The following ERG variants were observed in gnomAD, a reference collection of about 807,000 sequenced individuals.
ERG encodes ETS transcription factor ERG, also known as transcriptional regulator ERG.
A neutral mutation model predicts 55.3 loss-of-function variants in ERG; 9 were observed. The ratio of observed to expected loss-of-function variants is 0.16; its 90% CI spans 0.10 to 0.28. The LOEUF (loss-of-function observed/expected upper bound fraction) is 0.28. Among genes scored for constraint, ERG ranks in the 10% least tolerant of loss-of-function variants. The probability of loss-of-function intolerance (pLI) is 1.00; values close to 1 mark genes in which losing one functional copy is unlikely to be tolerated. For missense variants in ERG, 434 were observed against 631.6 expected (o/e 0.69, Z 3.35); for synonymous variants, 223 against 237.3 (o/e 0.94, Z 0.55).
In ERG at chr21:38,571,462, A is replaced by T. The variant is rs538085804; in HGVS notation, c.-41+4200T>A. On this transcript the variant is annotated intron_variant, in intron 2 of 8. Transcript: ENST00000398897. ...GGAGGCAGAGGCTGCAGTGAGCCAT[A>T]ATCATACCACTGCACTCCAGCCTGG... 2.3e-4 allele frequency among the ~76,000 whole-genome samples: 35 copies of T among 152,020 alleles called. 1 individual carries two copies. The highest frequency in any genetic ancestry group is 4.6e-4 in the Non-Finnish European group (31 of 67,992).
chr21:38,438,628 T>G (rs2058812633), intron 2 of ERG, among the ~76,000 whole-genome samples: 1 of 152,184 alleles, frequency 6.6e-6, no homozygotes, highest in Non-Finnish European at 1.5e-5. Flanking sequence ...AAGGCCCAGA[T>G]AGCATTGTCT....
chr21:38,411,206 G>A (rs1210127388), intron 3 of ERG, among the ~76,000 whole-genome samples: 1 of 152,190 alleles, frequency 6.6e-6, no homozygotes, highest in Non-Finnish European at 1.5e-5. Flanking sequence ...GACTGTTTCT[G>A]AGCCTTTTAA....
chr21:38,403,740 T>C (rs1275547741), intron 3 of ERG, 31 bp from the exon 4 acceptor site: 2 of 1,603,036 alleles, frequency 1.2e-6, no homozygotes, highest in South Asian at 2.2e-5. Context: ...TTCAGTCAAT[T>C]CCTGAAGCCA....
At chr21:38,546,603 G>A (rs2059789444) in intron 2 of ERG, among the ~76,000 whole-genome samples, 1 of 152,152 alleles carries the variant, frequency 6.6e-6, no homozygotes, top group Admixed American at 6.5e-5. Flanking sequence ...CACTCTGGCT[G>A]CCAAGGCATT....
intron 1 of ERG, among the ~76,000 whole-genome samples, chr21:38,643,774 T>C (rs1055384138): frequency 2.6e-5 from 4 of 152,202 alleles, no homozygotes; most frequent in Admixed American, 6.5e-5. Context: ...TAAAGGATAA[T>C]TGAAGTGCAT....
At chr21:38,510,131 A>C (rs1472177734) in intron 2 of ERG, among the ~76,000 whole-genome samples, 2 of 152,222 alleles carry the variant, frequency 1.3e-5, no homozygotes, top group African/African-American at 4.8e-5. Flanking sequence ...GAAAAACCAC[A>C]GTCCTGAGTG....
intron 1 of ERG, among the ~76,000 whole-genome samples, chr21:38,456,919 T>G (rs978599782): frequency 1.3e-4 from 20 of 152,344 alleles, no homozygotes; most frequent in African/African-American, 4.8e-4. Context: ...ATGACATAGA[T>G]GAGCACTGGG....
chr21:38,496,038 A>G (rs892236759), intron 1 of ERG, among the ~76,000 whole-genome samples: 2 of 152,122 alleles, frequency 1.3e-5, no homozygotes, highest in South Asian at 2.1e-4. Flanking sequence ...ATAAATGAAC[A>G]CTCTCACATA....
intron 1 of ERG, among the ~76,000 whole-genome samples, chr21:38,622,971 G>A (rs394925): frequency 1 from 144,397 of 144,866 alleles, 71,964 homozygotes; most frequent in Middle Eastern, 1. Flanking sequence ...ACACACACAC[G>A]TCACACACAT....
chr21:38,421,257 T>A (rs725233), intron 3 of ERG, among the ~76,000 whole-genome samples: 9,922 of 152,224 alleles, frequency 0.065, 436 homozygotes, highest in Non-Finnish European at 0.088. Flanking sequence ...CAGTAAATAC[T>A]AAGGACGGTT....
intron 2 of ERG, among the ~76,000 whole-genome samples, chr21:38,531,302 A>G (rs1406134586): frequency 6.6e-6 from 1 of 152,206 alleles, no homozygotes; most frequent in African/African-American, 2.4e-5. Flanking sequence ...CATCTTCTCT[A>G]GGTAACCTCT....
At chr21:38,568,343 C>T (rs945486753) in intron 2 of ERG, among the ~76,000 whole-genome samples, 3 of 152,150 alleles carry the variant, frequency 2.0e-5, no homozygotes, top group Admixed American at 6.5e-5. Flanking sequence ...GAGTGCCAGG[C>T]ACCGCTTTGA....
chr21:38,463,177 C>G (rs887098449), intron 1 of ERG, among the ~76,000 whole-genome samples: 4 of 152,198 alleles, frequency 2.6e-5, no homozygotes, highest in Non-Finnish European at 5.9e-5. Flanking sequence ...CATACTTGGA[C>G]ACTGAAAGGT....
intron 2 of ERG, among the ~76,000 whole-genome samples, chr21:38,561,470 T>C (rs2059892450): frequency 6.6e-6 from 1 of 151,646 alleles, no homozygotes; most frequent in Non-Finnish European, 1.5e-5. Context: ...TTTTTTTTTT[T>C]CAAACAATAA....
chr21:38,620,844 A>C (rs908528023), intron 1 of ERG, among the ~76,000 whole-genome samples: 11 of 152,238 alleles, frequency 7.2e-5, no homozygotes, highest in Non-Finnish European at 1.2e-4. Context: ...ACAGGTCTAA[A>C]AATCTTGGAA....
At chr21:38,565,582 T>C (rs1442660426) in intron 2 of ERG, among the ~76,000 whole-genome samples, 1 of 152,178 alleles carries the variant, frequency 6.6e-6, no homozygotes, top group African/African-American at 2.4e-5. Flanking sequence ...AAAGGGCCTT[T>C]GCACATGCTG....
At chr21:38,533,883 G>T (rs2836477) in intron 2 of ERG, among the ~76,000 whole-genome samples, 6,672 of 152,202 alleles carry the variant, frequency 0.044, 164 homozygotes, top group Middle Eastern at 0.13. Flanking sequence ...CCTGCCTTCA[G>T]AAAATATATA....
At chr21:38,566,337 G>A (rs972245248) in intron 2 of ERG, among the ~76,000 whole-genome samples, 5 of 152,150 alleles carry the variant, frequency 3.3e-5, no homozygotes, top group African/African-American at 7.2e-5. Flanking sequence ...TCCAATTCCT[G>A]CTTCCCCCAC....
At position 38,381,297 on chromosome 21, in the gene ERG, G is replaced by A; in HGVS notation, c.*2106C>T. 2 of 1,065,012 alleles carry A rather than the reference G, an allele frequency of 1.9e-6. No homozygotes were observed. The highest frequency in any genetic ancestry group is 5.0e-5 in the East Asian group (1 of 20,026). The allele number at this position is 1,065,012 out of a possible 1,614,324, so 66.0% of individuals were successfully genotyped here. A position where few individuals can be genotyped will look rare whatever the true frequency, so the allele number is the denominator to read the frequency against. Reference sequence around the variant, plus strand: ...ATGTTTCGGCTAGCGCCTTCGCACGGTCACCTTGTATTTTCACCTTTTGAG... The same window carrying A: ...ATGTTTCGGCTAGCGCCTTCGCACGATCACCTTGTATTTTCACCTTTTGAG... On this transcript the variant is annotated 3_prime_UTR_variant, in exon 10 of 10. Coordinates refer to ENST00000288319, the MANE Select transcript of ERG (RefSeq NM_182918.4).
Sources: allele counts gnomAD v4.1 joint callset (sites outside exome capture counted in the v4.1 genomes callset), GRCh38; gene constraint gnomAD v4.1.1; transcripts MANE v1.5; gene names NCBI Gene and HGNC (gene_info 2026-07-23, HGNC 2026-07-21).